DCX: variants seen among roughly 807,000 people sequenced by gnomAD.
DCX encodes doublecortin.
Under a neutral mutation model 20.9 loss-of-function variants are expected in DCX, and 4 were observed. That is an observed-to-expected ratio of 0.19 (90% confidence interval 0.09 to 0.44). The LOEUF (loss-of-function observed/expected upper bound fraction) is 0.44. DCX is among the 20% of genes least tolerant of loss of function. DCX has a pLI of 0.99. For synonymous variants in DCX, 103 were observed against 111.4 expected, an observed-to-expected ratio of 0.92 and a Z score of 0.47; for missense variants, 133 against 296.9, an observed-to-expected ratio of 0.45 and a Z score of 4.06.
chrX:111,410,693 G>A, intron 1 of DCX: 7 of 1,110,527 alleles, frequency 6.3e-6, no homozygotes. Flanking sequence ...GGCACTCTTG[G>A]CACTGTTCCA....
intron 3 of DCX, among the ~76,000 whole-genome samples, chrX:111,380,210 C>A (rs1925863646): frequency 9.0e-6 from 1 of 111,328 alleles, no homozygotes; most frequent in Non-Finnish European, 1.9e-5. Flanking sequence ...TCTATTTTTT[C>A]TTTGGTTGCT....
chrX:111,350,186 C>G (rs759979870), intron 3 of DCX, among the ~76,000 whole-genome samples: 20 of 111,091 alleles, frequency 1.8e-4, no homozygotes, highest in African/African-American at 5.6e-4. Flanking sequence ...AACAAGGGAG[C>G]CTGTTGATAA....
At chrX:111,361,001 T>C (rs946070720) in intron 3 of DCX, among the ~76,000 whole-genome samples, 2 of 111,831 alleles carry the variant, frequency 1.8e-5, no homozygotes, top group African/African-American at 3.3e-5. Context: ...GCAGCATCCC[T>C]CCCTGGCTTC....
At chrX:111,403,386 A>C in intron 2 of DCX, among the ~76,000 whole-genome samples, 1 of 111,349 alleles carries the variant, frequency 9.0e-6, no homozygotes, top group Non-Finnish European at 1.9e-5. Flanking sequence ...CATCTCTTAA[A>C]CCTCTTAAGC....
At chrX:111,369,823 A>T (rs967378481) in intron 3 of DCX, among the ~76,000 whole-genome samples, 2 of 111,695 alleles carry the variant, frequency 1.8e-5, no homozygotes, top group African/African-American at 6.5e-5. Flanking sequence ...GCTGAAGGGC[A>T]TTCTTTTCTG....
intron 3 of DCX, among the ~76,000 whole-genome samples, chrX:111,379,714 C>A (rs1307233298): frequency 2.7e-5 from 3 of 111,775 alleles, no homozygotes; most frequent in Non-Finnish European, 5.7e-5. Context: ...ATTTTTATTT[C>A]TCTGGAGTAG....
rs1381800784 is a variant in DCX, at chrX:111,301,761, A to T, written c.1045-18T>A. On this transcript the variant is annotated intron_variant, in intron 6 of 6. Transcript: ENST00000636035. ...TACAGGTCCTATAAGAAGAGAAGAG[A>T]CAAAGTTAATTTTCCTTTTCTTGAT... is the stretch of plus-strand genomic sequence containing the variant. 1 of 1,205,355 alleles carries T rather than the reference A, an allele frequency of 8.3e-7. No individual in the cohort carries two copies. Among genetic ancestry groups the T allele is most frequent in the South Asian group, 1.8e-5 (1 of 56,812 alleles).
At chrX:111,369,820 G>A (rs1924932744) in intron 3 of DCX, among the ~76,000 whole-genome samples, 1 of 111,478 alleles carries the variant, frequency 9.0e-6, no homozygotes, top group South Asian at 3.8e-4. Context: ...TCTGCTGAAG[G>A]GCATTCTTTT....
rs1457823983 is a variant in DCX at position 111,299,936 on chromosome X, A to G, written c.*1751T>C. On this transcript the variant is annotated 3_prime_UTR_variant, in exon 7 of 7. Transcript: ENST00000636035. ...CAGCAGTGCCACCCAGTTGCCACCA[A>G]TCCATTACAGGGGTGTCCTGTAGTA... 4 of 110,610 alleles carry G rather than the reference A, an allele frequency of 3.6e-5. No homozygotes were observed. Among genetic ancestry groups the G allele is most frequent in the Non-Finnish European group, 7.6e-5 (4 of 52,877 alleles). 9.1% of individuals were successfully genotyped at this position (110,610 alleles called of 1,213,427 possible).
intron 5 of DCX, among the ~76,000 whole-genome samples, chrX:111,328,386 G>A (rs1013461632): frequency 2.9e-4 from 32 of 111,211 alleles, no homozygotes; most frequent in Middle Eastern, 4.7e-3. Context: ...TTTGTAGAAG[G>A]GAAATTCTGT....
chrX:111,400,851 C>A, intron 3 of DCX, 139 bp downstream of exon 3: 2 of 584,541 alleles, frequency 3.4e-6, no homozygotes, highest in Non-Finnish European at 5.4e-6. Context: ...TACCTTTTCT[C>A]CAAATGAAAC....
chrX:111,390,935 G>A (rs1926891056), intron 3 of DCX, among the ~76,000 whole-genome samples: 1 of 108,135 alleles, frequency 9.2e-6, no homozygotes, highest in African/African-American at 3.4e-5. Flanking sequence ...AGCCCAGGAG[G>A]ATGAGGCTTG....
intron 3 of DCX, among the ~76,000 whole-genome samples, chrX:111,392,719 C>A (rs949790385): frequency 8.9e-6 from 1 of 111,736 alleles, no homozygotes; most frequent in Non-Finnish European, 1.9e-5. Context: ...TCACACATAT[C>A]TGTGAGCATA....
At chrX:111,401,392 C>T (rs1461482192) in intron 2 of DCX, 62 bp from the exon 3 acceptor site, 1 of 984,971 alleles carries the variant, frequency 1.0e-6, no homozygotes, top group East Asian at 3.1e-5. Context: ...ATTATTCTAA[C>T]CAAACTAATA....
chrX:111,328,116 A>T (rs774508920), intron 5 of DCX, among the ~76,000 whole-genome samples: 1 of 112,302 alleles, frequency 8.9e-6, no homozygotes, highest in Non-Finnish European at 1.9e-5. Context: ...GTTATTTGTA[A>T]TTCTGCTATC....
rs1241148925 is a variant in DCX, at chrX:111,295,683, T to C, written c.*6004A>G. 1 of 112,354 alleles carries C rather than the reference T, an allele frequency of 8.9e-6. No homozygotes were observed. Among genetic ancestry groups the C allele is most frequent in the Non-Finnish European group, 1.9e-5 (1 of 53,269 alleles). 9.3% of individuals were successfully genotyped at this position (112,354 alleles called of 1,213,427 possible). ...TTAGTATTTAGCTGATATAAATCCA[T>C]GGGTGGATTTTTTCTCTTCAGCTGA... On this transcript the variant is annotated 3_prime_UTR_variant, in exon 7 of 7. Coordinates refer to ENST00000636035, the MANE Select transcript of DCX (RefSeq NM_001195553.2).
chrX:111,396,324 G>A (rs1171504173), intron 3 of DCX, among the ~76,000 whole-genome samples: 3 of 111,830 alleles, frequency 2.7e-5, no homozygotes, highest in Non-Finnish European at 5.6e-5. Context: ...CCTTCCAATT[G>A]AAAATTGGCC....
chrX:111,403,941 G>A (rs1226619046), intron 2 of DCX, among the ~76,000 whole-genome samples: 3 of 110,160 alleles, frequency 2.7e-5, no homozygotes, highest in Non-Finnish European at 3.8e-5. Context: ...AGCTACTAGG[G>A]AGGCTGAGGA....
chrX:111,297,409 T>A lies in DCX; in HGVS notation c.*4278A>T, dbSNP rs769801523. 4 of 111,956 alleles carry A rather than the reference T, an allele frequency of 3.6e-5. No homozygotes were observed. Among genetic ancestry groups the A allele is most frequent in the African/African-American group, 1.3e-4 (4 of 30,751 alleles). The allele number at this position is 111,956 out of a possible 1,213,427, so 9.2% of individuals were successfully genotyped here. A position where few individuals can be genotyped will look rare whatever the true frequency, so the allele number is the denominator to read the frequency against. On this transcript the variant is annotated 3_prime_UTR_variant, in exon 7 of 7. Transcript: ENST00000636035. ...AATAAAAGCCATTTAGAATCAAATGTGCAGGGTGATTGGGAGCATTGTACC... is the reference window on the plus strand; with the variant it reads ...AATAAAAGCCATTTAGAATCAAATGAGCAGGGTGATTGGGAGCATTGTACC...
Sources: gnomAD v4.1 joint callset for allele counts (sites outside exome capture counted in the v4.1 genomes callset) on GRCh38, gnomAD v4.1.1 for gene constraint, MANE v1.5 for transcripts, NCBI Gene and HGNC (gene_info 2026-07-23, HGNC 2026-07-21) for gene names.